MBD5: variants seen among roughly 807,000 people sequenced by gnomAD.
MBD5 encodes the protein methyl-CpG-binding domain protein 5.
In MBD5, 13 loss-of-function variants were observed where a neutral mutation model predicts 117.3. The ratio of observed to expected loss-of-function variants is 0.11; its 90% confidence interval spans 0.07 to 0.18. MBD5 has a LOEUF of 0.18. Ranked by LOEUF, MBD5 falls within the 10% of genes least tolerant of loss-of-function variation. MBD5 has a pLI of 1.00. For synonymous variants in MBD5, 727 were observed against 766.4 expected (o/e 0.95, Z 0.85); for missense variants, 1,879 against 2,093.8 (o/e 0.90, Z 2.00).
At chr2:148,325,745 G>T (rs1283595821) in intron 3 of MBD5, among the ~76,000 whole-genome samples, 2 of 151,104 alleles carry the variant, frequency 1.3e-5, no homozygotes, top group African/African-American at 4.9e-5. Context: ...TATTAGTCTT[G>T]CTAGTGGTCT....
intron 1 of MBD5, among the ~76,000 whole-genome samples, chr2:148,107,620 T>G (rs1269133970): frequency 3.3e-5 from 5 of 152,070 alleles, no homozygotes; most frequent in African/African-American, 1.2e-4. Context: ...CTGTTTAACT[T>G]ATTCATTGAC....
At chr2:148,146,770 T>C (rs1401867387) in intron 1 of MBD5, among the ~76,000 whole-genome samples, 1 of 152,196 alleles carries the variant, frequency 6.6e-6, no homozygotes, top group Non-Finnish European at 1.5e-5. Flanking sequence ...TGAGGCTCTT[T>C]TAATTTTTTA....
At chr2:148,038,384 A>G (rs1191520878) in intron 1 of MBD5, among the ~76,000 whole-genome samples, 6 of 151,882 alleles carry the variant, frequency 4.0e-5, no homozygotes, top group East Asian at 3.9e-4. Context: ...GAAGCAAACT[A>G]TGTTGGTACT....
chr2:148,470,324 G>A lies in MBD5; in HGVS notation c.2381G>A (p.Gly794Glu), dbSNP rs369612300. 1.1e-5 allele frequency: 17 copies of A among 1,613,804 alleles called. No homozygotes were observed. Among genetic ancestry groups the A allele is most frequent in the Non-Finnish European group, 1.4e-5 (17 of 1,179,916 alleles). ...CAGATTCAGGCTAGCGGGAACTGTG[G>A]GATGCTCAGTCAGTCGGGCATGGCT... The part of the protein sequence containing the change: ...INQIQASGNC[G>E]MLSQSGMALG... Residue 794 changes from glycine to glutamate, a missense_variant, in exon 8 of 14, where the codon GGG becomes GAG. Physicochemically the swap from Gly to Glu is moderately conservative, Grantham distance 98 (BLOSUM62 -2). Coordinates refer to ENST00000642680, the MANE Select transcript of MBD5 (RefSeq NM_001378120.1).
chr2:148,373,039 T>G (rs1249297416), intron 4 of MBD5, among the ~76,000 whole-genome samples: 1 of 152,162 alleles, frequency 6.6e-6, no homozygotes, highest in African/African-American at 2.4e-5. Context: ...ACACATAGTT[T>G]AGCTGTGGAT....
intron 1 of MBD5, among the ~76,000 whole-genome samples, chr2:148,115,532 A>G (rs1223715162): frequency 3.3e-5 from 5 of 152,142 alleles, no homozygotes; most frequent in Non-Finnish European, 5.9e-5. Context: ...AATATTCCCT[A>G]TTGTTAGGAA....
chr2:148,454,768 T>C (rs1405909642), intron 4 of MBD5, among the ~76,000 whole-genome samples: 1 of 152,138 alleles, frequency 6.6e-6, no homozygotes, highest in African/African-American at 2.4e-5. Flanking sequence ...ATTAGAGTAG[T>C]GGATGTTGTT....
At chr2:148,249,488 A>G (rs1232372649) in intron 3 of MBD5, among the ~76,000 whole-genome samples, 3 of 152,124 alleles carry the variant, frequency 2.0e-5, no homozygotes, top group African/African-American at 7.2e-5. Flanking sequence ...ACTCACTTTC[A>G]TATCTTTTTC....
chr2:148,295,184 C>T (rs1168374644), intron 3 of MBD5, among the ~76,000 whole-genome samples: 1 of 152,124 alleles, frequency 6.6e-6, no homozygotes, highest in African/African-American at 2.4e-5. Context: ...GCATATGCTG[C>T]TGTGTTTCAT....
chr2:148,237,736 A>G (rs1432186047), intron 3 of MBD5, among the ~76,000 whole-genome samples: 1 of 152,218 alleles, frequency 6.6e-6, no homozygotes, highest in African/African-American at 2.4e-5. Context: ...GGACTTGCTC[A>G]GTGCAGAGTT....
intron 4 of MBD5, among the ~76,000 whole-genome samples, chr2:148,441,950 GTTGT>G (rs1195307520): frequency 6.6e-6 from 1 of 152,038 alleles, no homozygotes; most frequent in Non-Finnish European, 1.5e-5. Context: ...TGTTAATAGT[GTTGT>G]TTGTTTTTTT....
At chr2:148,140,220 A>T (rs1300290846) in intron 1 of MBD5, among the ~76,000 whole-genome samples, 1 of 152,122 alleles carries the variant, frequency 6.6e-6, no homozygotes, top group African/African-American at 2.4e-5. Context: ...AATGAAAAGC[A>T]TCTTGTTTTT....
chr2:148,180,279 C>A (rs551310007), intron 2 of MBD5, among the ~76,000 whole-genome samples: 2 of 146,408 alleles, frequency 1.4e-5, no homozygotes, highest in South Asian at 2.1e-4. Flanking sequence ...GATTAGATAA[C>A]TATTTTTATG....
At position 148,213,201 on chromosome 2, in the gene MBD5, T is replaced by A. The variant is rs1317398241; in HGVS notation, c.-830-20044T>A. On this transcript the variant is annotated intron_variant, in intron 2 of 13. Transcript: ENST00000642680. Reference sequence around the variant, plus strand: ...TGGTATGAATAATATTATCACTTAATTTTTTCCCTATTCTTTAGTATAGTG... The same window carrying A: ...TGGTATGAATAATATTATCACTTAAATTTTTCCCTATTCTTTAGTATAGTG... Among the ~76,000 whole-genome samples the A allele has an allele frequency of 2.0e-5, 3 of 152,206 alleles. 1 individual carries two copies. The highest frequency in any genetic ancestry group is 7.2e-5 in the African/African-American group (3 of 41,444).
At chr2:148,282,222 C>T (rs1466848771) in intron 3 of MBD5, among the ~76,000 whole-genome samples, 3 of 152,166 alleles carry the variant, frequency 2.0e-5, no homozygotes, top group African/African-American at 7.2e-5. Context: ...ACAGTTTGCA[C>T]ATACATATTT....
At chr2:148,445,558 C>T (rs567494938) in intron 4 of MBD5, among the ~76,000 whole-genome samples, 2 of 151,350 alleles carry the variant, frequency 1.3e-5, no homozygotes, top group East Asian at 1.9e-4. Context: ...TGGGTTTGTT[C>T]CAAGTCTTTG....
At chr2:148,196,769 A>G (rs984059672) in intron 2 of MBD5, among the ~76,000 whole-genome samples, 7 of 152,158 alleles carry the variant, frequency 4.6e-5, no homozygotes, top group Admixed American at 6.5e-5. Flanking sequence ...TGCCTAATTC[A>G]TTCATGTTTG....
chr2:148,021,359 C>G lies in MBD5; in HGVS notation c.-1250C>G. The G allele has an allele frequency of 2.3e-6, 1 of 442,492 alleles. No individual in the cohort carries two copies. The highest frequency in any genetic ancestry group is 4.5e-6 in the Non-Finnish European group (1 of 222,212). The allele number at this position is 442,492 out of a possible 1,614,324, so 27.4% of individuals were successfully genotyped here. A position where few individuals can be genotyped will look rare whatever the true frequency, so the allele number is the denominator to read the frequency against. On this transcript the variant is annotated 5_prime_UTR_variant, in exon 1 of 14. Coordinates refer to ENST00000642680, the MANE Select transcript of MBD5 (RefSeq NM_001378120.1). ...ATCCACGACTCCTACCCCCTCACCC[C>G]TCCAACTCGCCTCCCTCCCTCCACC... is the stretch of plus-strand genomic sequence containing the variant.
intron 4 of MBD5, among the ~76,000 whole-genome samples, chr2:148,436,344 G>T (rs72620209): frequency 0.25 from 37,577 of 151,816 alleles, 5,393 homozygotes; most frequent in African/African-American, 0.39. Context: ...TTCTTTCTTG[G>T]TTTTTTTGTT....
Sources: allele counts gnomAD v4.1 joint callset (sites outside exome capture counted in the v4.1 genomes callset), GRCh38; gene constraint gnomAD v4.1.1; transcripts MANE v1.5; gene names NCBI Gene and HGNC (gene_info 2026-07-23, HGNC 2026-07-21).